The following FETUB variants were observed in gnomAD, a reference collection of about 807,000 sequenced individuals.
The protein encoded by FETUB is fetuin-B.
In FETUB, 28 loss-of-function variants were observed where a neutral mutation model predicts 30.9. That is an observed-to-expected ratio of 0.90 (90% CI 0.67 to 1.24). FETUB has a LOEUF of 1.24. Ranked by LOEUF, FETUB falls within the 50% of genes most tolerant of loss-of-function variation. FETUB has a pLI of 0.00. For missense variants in FETUB, 469 were observed against 455.3 expected, an observed-to-expected ratio of 1.03 and a Z score of -0.27; for synonymous variants, 186 against 175.9, an observed-to-expected ratio of 1.06 and a Z score of -0.45.
In FETUB at chr3:186,643,286, G is replaced by A. The variant is rs565416804; in HGVS notation, c.424+728G>A. Among the ~76,000 whole-genome samples the A allele has an allele frequency of 2.6e-5, 4 of 152,282 alleles. No homozygotes were observed. The South Asian group carries it at 8.3e-4, about 32-fold the overall frequency. ...AGTAAATAATTGGACTAGAAATGAG[G>A]CTGAAACTTAATGACACTTGAAATA... On this transcript the variant is annotated intron_variant, in intron 3 of 6. Transcript: ENST00000265029.
In FETUB at chr3:186,651,524, CAG is replaced by C. The variant is rs1046587934; in HGVS notation, c.780+224_780+225del. On this transcript the variant is annotated intron_variant, in intron 6 of 6. Transcript: ENST00000265029. ...AGAATAAGCAAGACAAATTCAGAAA[CAG>C]GGAACTGCTGGCTTGGATGTGATTC... 2.8e-4 allele frequency: 148 copies of C among 524,420 alleles called. 1 individual carries two copies. In the Admixed American group the frequency reaches 4.9e-3, roughly 17 times the overall value. The allele number at this position is 524,420 out of a possible 1,614,324, so 32.5% of individuals were successfully genotyped here.
rs1560029351 is a variant in FETUB at position 186,652,417 on chromosome 3, A to G, written c.935A>G (p.Asp312Gly). The change falls in exon 7 of 7, where the codon GAT becomes GGT. Residue 312 changes from aspartate to glycine, a missense_variant. Transcript: ENST00000265029. ...GTCCAATATCTTCCTGACTTGGATG[A>G]TAAAAATTCCCAGGAAAAGGGCCCT... ...GSVQYLPDLDDKNSQEKGPQE... is the reference protein window; with the variant it reads ...GSVQYLPDLDGKNSQEKGPQE... The G allele has an allele frequency of 6.2e-7, 1 of 1,613,794 alleles. No homozygotes were observed.
At chr3:186,640,802 G>A (rs1017802144) in intron 1 of FETUB, 117 bp downstream of exon 1, 19 of 859,836 alleles carry the variant, frequency 2.2e-5, no homozygotes, top group African/African-American at 8.3e-5. Flanking sequence ...AAGCCCTGCC[G>A]AGAACTCTCT....
rs548886481 is a variant in FETUB at position 186,642,370 on chromosome 3, TCTAA to T, written c.337-97_337-94del. ...AAACCACAGAATTTGATCTTAAGTT[TCTAA>T]CTACTTTAAAAGAAAATGTCTGACT... On this transcript the variant is annotated intron_variant, in intron 2 of 6. Coordinates refer to ENST00000265029, the MANE Select transcript of FETUB (RefSeq NM_014375.3). The T allele has an allele frequency of 9.5e-4, 688 of 726,646 alleles. 3 individuals are homozygous for T. The African/African-American group carries it at 0.01, about 11-fold the overall frequency. 45.0% of individuals were successfully genotyped at this position (726,646 alleles called of 1,614,324 possible). A position where few individuals can be genotyped will look rare whatever the true frequency, so the allele number is the denominator to read the frequency against.
chr3:186,644,914 T>A lies in FETUB; in HGVS notation c.588T>A (p.Ser196=). ...CTCTCTTCAAAGTCACCAGGGCTTC[T>A]AGCCAGGTAAGGCTAAAACTGCCCA... ...QYSLFKVTRA[S]SQWVVGPSYF... is the part of the protein sequence containing the mutation. Residue 196 remains serine (S), a synonymous_variant, in exon 4 of 7, where the codon TCT becomes TCA. Coordinates refer to ENST00000265029, the MANE Select transcript of FETUB (RefSeq NM_014375.3). The A allele has an allele frequency of 6.2e-7, 1 of 1,612,012 alleles. No homozygotes were observed. The highest frequency in any genetic ancestry group is 8.5e-7 in the Non-Finnish European group (1 of 1,179,208).
intron 1 of FETUB, 125 bp from the exon 2 acceptor site, chr3:186,640,905 A>G (rs1716994114): frequency 1.4e-6 from 1 of 694,164 alleles, no homozygotes; most frequent in South Asian, 1.8e-5. Flanking sequence ...GTCAGATTTA[A>G]TGGTTTACGG....
chr3:186,651,389 T>A (rs1718025585), intron 6 of FETUB, 88 bp downstream of exon 6: 2 of 882,418 alleles, frequency 2.3e-6, no homozygotes, highest in Admixed American at 2.0e-5. Context: ...CTCCTTTGAT[T>A]TTCCCAACCA....
rs35992832 is a variant in FETUB at position 186,645,721 on chromosome 3, C to CTTT, written c.595-505_595-503dup. On this transcript the variant is annotated intron_variant, in intron 4 of 6. Coordinates refer to ENST00000265029, the MANE Select transcript of FETUB (RefSeq NM_014375.3). Reference sequence around the variant, plus strand: ...GAAGGTGTTTAGGGCCCATTCAAATCTTTTTTTTTTTTTTTTTTTTTTTTG... The same window carrying CTTT: ...GAAGGTGTTTAGGGCCCATTCAAATCTTTTTTTTTTTTTTTTTTTTTTTTTTTG... Among the ~76,000 whole-genome samples, 230 of 79,614 alleles carry CTTT rather than the reference C, an allele frequency of 2.9e-3. 5 individuals carry two copies. The highest frequency in any genetic ancestry group is 6.8e-3 in the African/African-American group (125 of 18,416). The allele number at this position is 79,614 out of a possible 152,430, so 52.2% of individuals were successfully genotyped here.
At position 186,640,404 on chromosome 3, in the gene FETUB, C is replaced by A. The variant is rs1716930525; in HGVS notation, c.-57C>A. Reference sequence around the variant, plus strand: ...AGTCTGCCTTAAAGAGCCTTACAAGCCAGCCAGTCCCTGCAGCTCCACAAA... The same window carrying A: ...AGTCTGCCTTAAAGAGCCTTACAAGACAGCCAGTCCCTGCAGCTCCACAAA... On this transcript the variant is annotated 5_prime_UTR_variant, in exon 1 of 7. Coordinates refer to ENST00000265029, the MANE Select transcript of FETUB (RefSeq NM_014375.3). The A allele has an allele frequency of 1.4e-6, 2 of 1,399,748 alleles. No homozygotes were observed. Among genetic ancestry groups the A allele is most frequent in the Middle Eastern group, 1.8e-4 (1 of 5,676 alleles). The allele number at this position is 1,399,748 out of a possible 1,614,324, so 86.7% of individuals were successfully genotyped here.
At chr3:186,650,867 C>T (rs144670063) in intron 5 of FETUB, among the ~76,000 whole-genome samples, 1 of 152,276 alleles carries the variant, frequency 6.6e-6, no homozygotes, top group East Asian at 1.9e-4. Context: ...ACTTAAAGGG[C>T]TGCTATATAA....
At position 186,652,368 on chromosome 3, in the gene FETUB, T is replaced by A. The variant is rs779802500; in HGVS notation, c.886T>A (p.Ser296Thr). The A allele has an allele frequency of 6.3e-7, 1 of 1,591,136 alleles. No individual in the cohort carries two copies. The highest frequency in any genetic ancestry group is 1.4e-5 in the African/African-American group (1 of 73,738). ...AAACACCCCCCCAACAGACTCCCCC[T>A]CCAAAGCTGGGCCAAGAGGATCTGT... ...QKNTPPTDSP[S>T]KAGPRGSVQY... is the part of the protein sequence containing the mutation. Residue 296 changes from serine to threonine, a missense_variant, in exon 7 of 7, where the codon TCC becomes ACC. By Grantham distance (58) the Ser-to-Thr change is moderately conservative. Transcript: ENST00000265029.
chr3:186,642,296 T>A, intron 2 of FETUB, 175 bp from the exon 3 acceptor site: 2 of 581,894 alleles, frequency 3.4e-6, no homozygotes. Flanking sequence ...AGCTGTGTCC[T>A]AGGGAAAGGT....
At chr3:186,641,432 T>C (rs372916681) in intron 2 of FETUB, 8 of 260,890 alleles carry the variant, frequency 3.1e-5, no homozygotes, top group East Asian at 1.7e-4. Context: ...AGTGTTTCAA[T>C]TGTGAGAAAA....
chr3:186,652,192 G>T (rs909867448), intron 6 of FETUB, 71 bp from the exon 7 acceptor site: 6 of 1,493,298 alleles, frequency 4.0e-6, no homozygotes, highest in Non-Finnish European at 5.4e-6. Context: ...GCACAGATCA[G>T]CTTAGGCTGG....
chr3:186,647,523 T>C (rs1717651650), intron 5 of FETUB, among the ~76,000 whole-genome samples: 1 of 152,224 alleles, frequency 6.6e-6, no homozygotes, highest in African/African-American at 2.4e-5. Context: ...CTTTTGGTTA[T>C]AGCCATCCTA....
intron 3 of FETUB, 60 bp downstream of exon 3, chr3:186,642,618 G>T: frequency 9.9e-7 from 1 of 1,013,238 alleles, no homozygotes; most frequent in South Asian, 1.3e-5. Flanking sequence ...TACTTAACCA[G>T]GTCTTTGCCA....
upstream of FETUB, among the ~76,000 whole-genome samples, chr3:186,638,800 T>C (rs994238006): frequency 1.3e-5 from 2 of 152,200 alleles, no homozygotes; most frequent in Non-Finnish European, 2.9e-5. Flanking sequence ...TCAACCTCTT[T>C]CTGTACGTTG....
In FETUB at chr3:186,641,118, G is replaced by A. The variant is rs373009962; in HGVS notation, c.314G>A (p.Gly105Glu). Reference protein sequence around the residue: ...VLRKKAWQDCGMRIFFESVYG... With the variant: ...VLRKKAWQDCEMRIFFESVYG... ...AGAAAGAAGGCATGGCAAGACTGTG[G>A]AATGAGGATATTTTTTGAATCAGTG... Residue 105 changes from glycine (G) to glutamate (E), a missense_variant, in exon 2 of 7, where the codon GGA becomes GAA. Physicochemically the swap from Gly to Glu is moderately conservative, Grantham distance 98. Transcript: ENST00000265029. 176 of 1,612,490 alleles carry A rather than the reference G, an allele frequency of 1.1e-4. No homozygotes were observed. Among genetic ancestry groups the A allele is most frequent in the Middle Eastern group, 8.2e-4 (5 of 6,084 alleles).
chr3:186,636,811 T>C (rs183301871), upstream of FETUB, among the ~76,000 whole-genome samples: 1 of 152,308 alleles, frequency 6.6e-6, no homozygotes, highest in Non-Finnish European at 1.5e-5. Context: ...GCAGGAAAAG[T>C]GAACGCTCTG....
Sources: allele counts gnomAD v4.1 joint callset (sites outside exome capture counted in the v4.1 genomes callset), GRCh38; gene constraint gnomAD v4.1.1; transcripts MANE v1.5; gene names NCBI Gene and HGNC (gene_info 2026-07-23, HGNC 2026-07-21).